The following CHST9 variants were observed in gnomAD, a reference collection of about 807,000 sequenced individuals.
CHST9 encodes carbohydrate sulfotransferase 9, also known as GalNAc-4-sulfotransferase 2.
Under a neutral mutation model 44.4 loss-of-function variants are expected in CHST9, and 41 were observed. That is an observed-to-expected ratio of 0.92 (90% confidence interval 0.72 to 1.20). CHST9 has a LOEUF of 1.20. CHST9 is among the 50% of genes most tolerant of loss of function. The pLI is 0.00. For synonymous variants in CHST9, 171 were observed against 178.4 expected (o/e 0.96, Z 0.33); for missense variants, 504 against 516.5 (o/e 0.98, Z 0.23).
chr18:27,125,277 GA>G (rs2058410597), intron 2 of CHST9, among the ~76,000 whole-genome samples: 1 of 152,142 alleles, frequency 6.6e-6, no homozygotes. Flanking sequence ...AAAGTAATTT[GA>G]AAGCTGTTCA....
intron 2 of CHST9, among the ~76,000 whole-genome samples, chr18:27,087,159 G>T (rs1193853061): frequency 1.3e-5 from 2 of 152,128 alleles, no homozygotes; most frequent in Non-Finnish European, 2.9e-5. Flanking sequence ...TAGGATATCT[G>T]AAAGTTAGCA....
intron 5 of CHST9, among the ~76,000 whole-genome samples, chr18:26,925,457 CTG>C: frequency 6.6e-6 from 1 of 152,316 alleles, no homozygotes; most frequent in Admixed American, 6.5e-5. Context: ...TCTCAAATCT[CTG>C]TCTTAGTCAT....
chr18:27,015,392 G>C (rs919518270), intron 4 of CHST9, among the ~76,000 whole-genome samples: 34 of 151,794 alleles, frequency 2.2e-4, no homozygotes, highest in African/African-American at 7.5e-4. Flanking sequence ...GAGTGTGAGG[G>C]GAAGGGACCT....
At chr18:26,924,515 C>T (rs1297100937) in intron 5 of CHST9, 3 of 557,754 alleles carry the variant, frequency 5.4e-6, no homozygotes, top group East Asian at 1.5e-4. Flanking sequence ...AAGGCACTGC[C>T]CAGGGAGTAA....
intron 1 of CHST9, among the ~76,000 whole-genome samples, chr18:27,155,197 GA>G (rs1345523434): frequency 1.3e-5 from 2 of 151,542 alleles, no homozygotes; most frequent in Non-Finnish European, 2.9e-5. Context: ...GTTAGTACAT[GA>G]AAAATATTTA....
intron 4 of CHST9, among the ~76,000 whole-genome samples, chr18:26,959,039 T>A (rs1314995994): frequency 6.6e-6 from 1 of 152,166 alleles, no homozygotes; most frequent in Non-Finnish European, 1.5e-5. Flanking sequence ...GCAGCACTAT[T>A]CACAATAGCA....
intron 1 of CHST9, among the ~76,000 whole-genome samples, chr18:27,163,204 G>A (rs1232274198): frequency 1.3e-5 from 2 of 152,190 alleles, no homozygotes; most frequent in Non-Finnish European, 2.9e-5. Flanking sequence ...CTGGCCATGT[G>A]AGGTGTCAGT....
At chr18:27,111,383 T>C (rs2058269341) in intron 2 of CHST9, among the ~76,000 whole-genome samples, 1 of 152,166 alleles carries the variant, frequency 6.6e-6, no homozygotes, top group South Asian at 2.1e-4. Flanking sequence ...TATAAGAAAA[T>C]TGAATTATAT....
intron 4 of CHST9, among the ~76,000 whole-genome samples, chr18:26,954,883 A>G (rs1306130080): frequency 1.3e-5 from 2 of 151,890 alleles, no homozygotes; most frequent in African/African-American, 4.8e-5. Context: ...TATCCTAAGG[A>G]CCCAGCTCAG....
At chr18:27,164,788 C>G (rs1362153846) in intron 1 of CHST9, among the ~76,000 whole-genome samples, 1 of 152,160 alleles carries the variant, frequency 6.6e-6, no homozygotes, top group Non-Finnish European at 1.5e-5. Context: ...AGTAGCAACA[C>G]TGGAATCTAG....
At position 27,101,891 on chromosome 18, in the gene CHST9, C is replaced by T. The variant is rs192873585; in HGVS notation, c.121+40798G>A. Reference sequence around the variant, plus strand: ...TATGTTAAGTGATCAGGTGTCATTGCATTCAGAAATAAGACTACACAATTG... The same window carrying T: ...TATGTTAAGTGATCAGGTGTCATTGTATTCAGAAATAAGACTACACAATTG... On this transcript the variant is annotated intron_variant, in intron 2 of 5. Coordinates refer to ENST00000618847, the MANE Select transcript of CHST9 (RefSeq NM_031422.6). 2.6e-5 allele frequency among the ~76,000 whole-genome samples: 4 copies of T among 152,286 alleles called. No individual in the cohort carries two copies. In the East Asian group the frequency reaches 7.7e-4, roughly 29 times the overall value.
intron 5 of CHST9, chr18:26,928,123 A>G (rs1232737630): frequency 1.3e-5 from 2 of 153,156 alleles, no homozygotes; most frequent in African/African-American, 4.8e-5. Flanking sequence ...GGTTACAGAT[A>G]AACAGCATCT....
chr18:26,969,370 CTCTCTCTGTGTGTGTGTGTG>C (rs757469500), intron 4 of CHST9, among the ~76,000 whole-genome samples: 3 of 122,012 alleles, frequency 2.5e-5, no homozygotes, highest in African/African-American at 9.3e-5. Context: ...TTCTCTCTCT[CTCTCTCTGTGTGTGTGTGTG>C]TGTGTGTGTG....
intron 2 of CHST9, among the ~76,000 whole-genome samples, chr18:27,076,041 C>A (rs182810314): frequency 6.6e-6 from 1 of 152,280 alleles, no homozygotes. Flanking sequence ...TGTGTCATTA[C>A]CATTGTTATC....
At chr18:27,170,787 G>A (rs1370144153) in intron 1 of CHST9, among the ~76,000 whole-genome samples, 1 of 152,114 alleles carries the variant, frequency 6.6e-6, no homozygotes, top group Non-Finnish European at 1.5e-5. Context: ...AATCTAGAGG[G>A]AGAAGAGAAC....
At chr18:27,042,324 T>C (rs2057454616) in intron 3 of CHST9, among the ~76,000 whole-genome samples, 1 of 152,070 alleles carries the variant, frequency 6.6e-6, no homozygotes, top group African/African-American at 2.4e-5. Flanking sequence ...CAGGCTTTGC[T>C]ATCACACAGA....
chr18:27,120,178 G>A (rs1034692139), intron 2 of CHST9, among the ~76,000 whole-genome samples: 1 of 152,096 alleles, frequency 6.6e-6, no homozygotes, highest in Non-Finnish European at 1.5e-5. Flanking sequence ...AATATTGCTG[G>A]CAAGGAAACA....
chr18:27,116,968 T>A (rs2058327457), intron 2 of CHST9, among the ~76,000 whole-genome samples: 1 of 150,748 alleles, frequency 6.6e-6, no homozygotes, highest in African/African-American at 2.5e-5. Context: ...ATTGAAGTCA[T>A]TTGTTAATTC....
intron 5 of CHST9, among the ~76,000 whole-genome samples, chr18:26,940,407 G>A (rs2145108583): frequency 6.6e-6 from 1 of 152,318 alleles, no homozygotes; most frequent in Non-Finnish European, 1.5e-5. Context: ...ACAAGTTTCA[G>A]GGGTGACTAT....
Sources: allele counts gnomAD v4.1 joint callset (sites outside exome capture counted in the v4.1 genomes callset), GRCh38; gene constraint gnomAD v4.1.1; transcripts MANE v1.5; gene names NCBI Gene and HGNC (gene_info 2026-07-23, HGNC 2026-07-21).